SPTBN5: variants seen among roughly 807,000 people sequenced by gnomAD.
The protein encoded by SPTBN5 is spectrin beta chain, non-erythrocytic 5.
SPTBN5 carries 513 observed loss-of-function variants against 477.6 expected under a neutral mutation model. That is an observed-to-expected ratio of 1.07 (90% CI 1.00 to 1.16). SPTBN5 has a LOEUF of 1.16. Among genes scored for constraint, SPTBN5 ranks in the 50% most tolerant of loss-of-function variants. The probability of loss-of-function intolerance (pLI) is 0.00; values close to 1 mark genes in which losing one functional copy is unlikely to be tolerated. For synonymous variants in SPTBN5, 2,169 were observed against 2,011.7 expected (o/e 1.08, Z -2.09); for missense variants, 5,062 against 4,731.8 (o/e 1.07, Z -2.05).
intron 33 of SPTBN5, 68 bp downstream of exon 33, chr15:41,868,330 G>A: frequency 6.4e-7 from 1 of 1,563,732 alleles, no homozygotes; most frequent in Non-Finnish European, 8.7e-7. Context: ...AGTAGGACGG[G>A]GCACCAGGTG....
At chr15:41,875,410 G>A (rs1332766316) in intron 22 of SPTBN5, 48 bp downstream of exon 22, 71 of 1,581,598 alleles carry the variant, frequency 4.5e-5, no homozygotes, top group Non-Finnish European at 5.7e-5. Flanking sequence ...GTCCAGCCCA[G>A]CCAGGCCTCC....
In SPTBN5 at chr15:41,875,068, G is replaced by T. The variant is rs999017941; in HGVS notation, c.4288-12C>A. ...TGCTCCTTTGCATCCTGGGAGGGACGCATGGAGCTGCATTAGGTTCTCTGT... is the reference window on the plus strand; with the variant it reads ...TGCTCCTTTGCATCCTGGGAGGGACTCATGGAGCTGCATTAGGTTCTCTGT... On this transcript the variant is annotated splice_polypyrimidine_tract_variant and intron_variant, in intron 22 of 67. Coordinates refer to ENST00000320955, the MANE Select transcript of SPTBN5 (RefSeq NM_016642.4). The T allele has an allele frequency of 3.1e-6, 5 of 1,599,286 alleles. No individual in the cohort carries two copies. In the East Asian group the frequency reaches 1.1e-4, roughly 36 times the overall value.
intron 7 of SPTBN5, 42 bp from the exon 8 acceptor site, chr15:41,883,528 G>T (rs779035391): frequency 1.4e-5 from 23 of 1,593,978 alleles, no homozygotes; most frequent in Non-Finnish European, 1.9e-5. Context: ...CTGGGTTGGG[G>T]CAGGGAAGCT....
chr15:41,879,555 G>C, intron 15 of SPTBN5, 56 bp from the exon 16 acceptor site: 1 of 1,518,028 alleles, frequency 6.6e-7, no homozygotes, highest in Admixed American at 2.0e-5. Context: ...CATCCATCCG[G>C]GAGCCTTGGC....
rs1448623440 is a variant in SPTBN5, at chr15:41,874,326, A to T, written c.4655T>A (p.Leu1552Ter). 1 of 1,613,496 alleles carries T rather than the reference A, an allele frequency of 6.2e-7. No individual in the cohort carries two copies. Among genetic ancestry groups the T allele is most frequent in the African/African-American group, 1.3e-5 (1 of 74,916 alleles). ...GCGGTGAAGGCTCTGGGCACCATTCAAGCACTCGGTATAGCTGGTGGGGCT... is the reference window on the plus strand; with the variant it reads ...GCGGTGAAGGCTCTGGGCACCATTCTAGCACTCGGTATAGCTGGTGGGGCT... ...HGSPTSYTEC[L>*]NGAQSLHRKH... Residue 1552 changes from leucine to a stop codon, truncating the protein, a stop_gained, in exon 24 of 68, where the codon TTG becomes TAG. Transcript: ENST00000320955. LOFTEE classifies it high-confidence loss of function.
rs1325452541 is a variant in SPTBN5, at chr15:41,882,021, TC to T, written c.2371del (p.Glu791SerfsTer30). The T allele has an allele frequency of 3.9e-6, 6 of 1,541,458 alleles. No homozygotes were observed. The highest frequency in any genetic ancestry group is 1.9e-5 in the Admixed American group (1 of 52,790). ...GGCCGCGAAGGCGCGCAGGACGCGCTCCAGCCGCACGTGGCGCCTCAGCAGG... is the reference window on the plus strand; with the variant it reads ...GGCCGCGAAGGCGCGCAGGACGCGCTCAGCCGCACGTGGCGCCTCAGCAGG... ...ETLLRRHVRL[E>X]RVLRAFAAEL... On this transcript the variant is annotated frameshift_variant, in exon 12 of 68. Coordinates refer to ENST00000320955, the MANE Select transcript of SPTBN5 (RefSeq NM_016642.4). LOFTEE classifies it high-confidence loss of function.
intron 66 of SPTBN5, chr15:41,850,652 G>A (rs1379442635): frequency 3.4e-6 from 2 of 585,594 alleles, no homozygotes; most frequent in Non-Finnish European, 3.0e-6. Flanking sequence ...CCCCATCTCT[G>A]CTAATTAGCT....
chr15:41,853,190 G>A, intron 59 of SPTBN5, 68 bp downstream of exon 59: 19 of 1,528,376 alleles, frequency 1.2e-5, no homozygotes, highest in Non-Finnish European at 1.6e-5. Context: ...CCTGTGAGGG[G>A]CCCTGAGGCC....
At chr15:41,885,320 G>A (rs955801430) in intron 7 of SPTBN5, among the ~76,000 whole-genome samples, 6 of 152,100 alleles carry the variant, frequency 3.9e-5, no homozygotes, top group South Asian at 2.1e-4. Context: ...CACCGCGCCC[G>A]GCCTCTCCTT....
Position 41,849,933 on chromosome 15 carries a change from C to CT in SPTBN5, c.10947dup (p.Ala3650SerfsTer9). The CT allele has an allele frequency of 6.3e-7, 1 of 1,596,230 alleles. No individual in the cohort carries two copies. The highest frequency in any genetic ancestry group is 1.7e-4 in the Middle Eastern group (1 of 6,046). ...TCATTCAGAGAGCTGACAGGTTTGGCTTTGAGTTTTGGGCTCAGACTCTGG... is the reference window on the plus strand; with the variant it reads ...TCATTCAGAGAGCTGACAGGTTTGGCTTTTGAGTTTTGGGCTCAGACTCTGG... On this transcript the variant is annotated frameshift_variant, in exon 67 of 68. Transcript: ENST00000320955. LOFTEE classifies it high-confidence loss of function.
In SPTBN5 at chr15:41,882,125, C is replaced by G. The variant is rs774573776; in HGVS notation, c.2268G>C (p.Glu756Asp). ...GCCGCTCGCGCAGCCACGAAGCCGCCTCCGCCGCGTCCGCGAAGTACTGTG... is the reference window on the plus strand; with the variant it reads ...GCCGCTCGCGCAGCCACGAAGCCGCGTCCGCCGCGTCCGCGAAGTACTGTG... ...LVLQYFADAAEAASWLRERRS... is the reference protein window; with the variant it reads ...LVLQYFADAADAASWLRERRS... The change falls in exon 12 of 68, where the codon GAG (glutamate) becomes GAC (aspartate). Residue 756 changes from glutamate (E) to aspartate (D), a missense_variant. By Grantham distance (45) the Glu-to-Asp change is conservative. Coordinates refer to ENST00000320955, the MANE Select transcript of SPTBN5 (RefSeq NM_016642.4). 6.4e-7 allele frequency: 1 copy of G among 1,573,470 alleles called. No homozygotes were observed. Among genetic ancestry groups the G allele is most frequent in the Non-Finnish European group, 8.5e-7 (1 of 1,170,760 alleles).
chr15:41,880,108 C>T, intron 14 of SPTBN5, 52 bp downstream of exon 14: 1 of 1,532,626 alleles, frequency 6.5e-7, no homozygotes, highest in Admixed American at 2.1e-5. Flanking sequence ...CAGCAGACCA[C>T]AGGGAGGCAG....
chr15:41,876,030 A>T lies in SPTBN5; in HGVS notation c.4122+84T>A, dbSNP rs1012994133. On this transcript the variant is annotated intron_variant, in intron 21 of 67. Transcript: ENST00000320955. ...GCTGAGGCTGATTTTTCCTTCAAAG[A>T]CTCTTCCATGAAAACAGGTGGTGCA... The T allele has an allele frequency of 3.3e-6, 5 of 1,494,142 alleles. No individual in the cohort carries two copies. The Admixed American group carries it at 9.4e-5, about 28-fold the overall frequency. The allele number at this position is 1,494,142 out of a possible 1,614,324, so 92.6% of individuals were successfully genotyped here.
In SPTBN5 at chr15:41,858,702, C is replaced by A. The variant is rs1188126949; in HGVS notation, c.8126G>T (p.Gly2709Val). 6.2e-7 allele frequency: 1 copy of A among 1,609,990 alleles called. No homozygotes were observed. The highest frequency in any genetic ancestry group is 8.5e-7 in the Non-Finnish European group (1 of 1,178,802). ...TGGCAGCATGGCTGTGTCCAGCAAACCCTCCTCCAAGGCCACCAGGTTCTT... is the reference window on the plus strand; with the variant it reads ...TGGCAGCATGGCTGTGTCCAGCAAAACCTCCTCCAAGGCCACCAGGTTCTT... ...REKNLVALEE[G>V]LLDTAMLPAQ... The change falls in exon 49 of 68, where the codon GGT (glycine) becomes GTT (valine). Residue 2709 changes from glycine to valine, a missense_variant. Physicochemically the swap from Gly to Val is moderately radical, Grantham distance 109. Transcript: ENST00000320955.
rs778967010 is a variant in SPTBN5 at position 41,861,826 on chromosome 15, T to C, written c.7646A>G (p.Gln2549Arg). Residue 2549 changes from glutamine to arginine, a missense_variant, in exon 45 of 68, where the codon CAG (glutamine) becomes CGG (arginine). Gln to Arg is a conservative substitution (Grantham distance 43). Coordinates refer to ENST00000320955, the MANE Select transcript of SPTBN5 (RefSeq NM_016642.4). ...AGHPFSSDIR[Q>R]VLAGLEQELS... ...CTCCTGTTCTAAGCCAGCCAGCACCTGGCGAATGTCGGAGCTGAAGGGGTG... is the reference window on the plus strand; with the variant it reads ...CTCCTGTTCTAAGCCAGCCAGCACCCGGCGAATGTCGGAGCTGAAGGGGTG... 10 of 1,602,182 alleles carry C rather than the reference T, an allele frequency of 6.2e-6. No individual in the cohort carries two copies. Among genetic ancestry groups the C allele is most frequent in the Non-Finnish European group, 8.5e-6 (10 of 1,177,558 alleles).
Position 41,852,843 on chromosome 15 carries a change from A to C in SPTBN5, c.10328T>G (p.Leu3443Arg). The C allele has an allele frequency of 1.2e-6, 2 of 1,606,738 alleles. No homozygotes were observed. Among genetic ancestry groups the C allele is most frequent in the East Asian group, 4.5e-5 (2 of 44,724 alleles). ...EAWLACWEGLLLKPDYGHSVS... is the reference protein window; with the variant it reads ...EAWLACWEGLRLKPDYGHSVS... ...ACTCACCCCATAGTCGGGCTTCAGC[A>C]GGAGTCCCTCCCAGCAGGCCAGCCA... Residue 3443 changes from leucine (L) to arginine (R), a missense_variant, in exon 60 of 68, where the codon CTG (leucine) becomes CGG (arginine). Transcript: ENST00000320955.
chr15:41,872,159 G>T, intron 27 of SPTBN5, 143 bp downstream of exon 27: 1 of 1,174,120 alleles, frequency 8.5e-7, no homozygotes, highest in Non-Finnish European at 1.2e-6. Flanking sequence ...ATGGAAAGAG[G>T]TGAGCAACAC....
chr15:41,861,312 G>A (rs780495315), intron 46 of SPTBN5, 107 bp downstream of exon 46: 19 of 1,002,876 alleles, frequency 1.9e-5, no homozygotes, highest in East Asian at 1.2e-4. Context: ...AGATGGCCCC[G>A]AAGGGGAGGA....
At chr15:41,885,596 G>C (rs2067121829) in intron 7 of SPTBN5, 139 bp downstream of exon 7, 1 of 1,085,030 alleles carries the variant, frequency 9.2e-7, no homozygotes, top group African/African-American at 1.6e-5. Context: ...CTGGGAGATA[G>C]ATCTTTGTAG....
Sources: allele counts gnomAD v4.1 joint callset (sites outside exome capture counted in the v4.1 genomes callset), GRCh38; gene constraint gnomAD v4.1.1; transcripts MANE v1.5; gene names NCBI Gene and HGNC (gene_info 2026-07-23, HGNC 2026-07-21).